The following BST1 variants were observed in gnomAD, a reference collection of about 807,000 sequenced individuals.
BST1 encodes bone marrow stromal cell antigen 1, also known as ADP-ribosyl cyclase/cyclic ADP-ribose hydrolase 2.
In BST1, 49 loss-of-function variants were observed where a neutral mutation model predicts 40.6. The observed-to-expected ratio is 1.21, with a 90% CI of 0.96 to 1.53. BST1 has a LOEUF of 1.53. Ranked by LOEUF, BST1 falls within the 40% of genes most tolerant of loss-of-function variation. The probability of loss-of-function intolerance (pLI) is 0.00; values close to 1 mark genes in which losing one functional copy is unlikely to be tolerated. For synonymous variants in BST1, 157 were observed against 159.3 expected, an observed-to-expected ratio of 0.99 and a Z score of 0.11; for missense variants, 423 against 395.9, an observed-to-expected ratio of 1.07 and a Z score of -0.58.
chr4:15,704,188 T>A lies in BST1; in HGVS notation c.188+856T>A, dbSNP rs149607305. ...GTGGTCTAGAGGTGAGGGGTGTGTG[T>A]GTTCTAGAGGTGAGGGGGTGTATGT... On this transcript the variant is annotated intron_variant, in intron 1 of 8. Transcript: ENST00000265016. Among the ~76,000 whole-genome samples, 83 of 144,566 alleles carry A rather than the reference T, an allele frequency of 5.7e-4. No individual in the cohort carries two copies. In the South Asian group the frequency reaches 8.5e-3, roughly 15 times the overall value. 94.8% of individuals were successfully genotyped at this position (144,566 alleles called of 152,430 possible). A position where few individuals can be genotyped will look rare whatever the true frequency, so the allele number is the denominator to read the frequency against.
At chr4:15,743,365 A>T in the BST1 span, 2 of 336,580 alleles carry the variant, frequency 5.9e-6, no homozygotes, top group Non-Finnish European at 1.2e-5. Flanking sequence ...TCGGTGGATG[A>T]GACTAATCTG....
At chr4:15,755,004 A>G in the BST1 span, among the ~76,000 whole-genome samples, 49 of 152,378 alleles carry the variant, frequency 3.2e-4, no homozygotes, top group South Asian at 8.7e-3. Context: ...ATTATTCTGT[A>G]TCAATACATA....
chr4:15,737,692 T>C, downstream of BST1: 1 of 868,900 alleles, frequency 1.2e-6, no homozygotes, highest in South Asian at 1.4e-5. Flanking sequence ...GAGTTCTCTT[T>C]CCTCTCCTGT....
the BST1 span, among the ~76,000 whole-genome samples, chr4:15,770,593 G>A: frequency 2.6e-5 from 4 of 152,054 alleles, no homozygotes; most frequent in South Asian, 2.1e-4. Flanking sequence ...CCAGCTACTC[G>A]GGAGGCTGAG....
At chr4:15,746,178 G>T in the BST1 span, among the ~76,000 whole-genome samples, 1 of 152,296 alleles carries the variant, frequency 6.6e-6, no homozygotes, top group East Asian at 1.9e-4. Context: ...GCAAACTGGG[G>T]CTACCACTTG....
At chr4:15,754,573 C>T in the BST1 span, among the ~76,000 whole-genome samples, 1,142 of 152,242 alleles carry the variant, frequency 7.5e-3, 7 homozygotes, top group Non-Finnish European at 0.013. Flanking sequence ...AAAGAATCAA[C>T]GTCAGATGTA....
chr4:15,755,060 G>A, the BST1 span, among the ~76,000 whole-genome samples: 3 of 152,188 alleles, frequency 2.0e-5, no homozygotes, highest in East Asian at 1.9e-4. Flanking sequence ...ATATTCCATG[G>A]GAGAGATGTT....
chr4:15,735,746 A>C (rs1721536639), downstream of BST1, among the ~76,000 whole-genome samples: 1 of 152,194 alleles, frequency 6.6e-6, no homozygotes, highest in African/African-American at 2.4e-5. Context: ...CAAGCTTGGA[A>C]AACACAGTGT....
At chr4:15,744,716 A>C in the BST1 span, among the ~76,000 whole-genome samples, 1 of 152,214 alleles carries the variant, frequency 6.6e-6, no homozygotes, top group Non-Finnish European at 1.5e-5. Flanking sequence ...GAGCTGGCCT[A>C]TACCCACTCA....
chr4:15,738,050 A>G, exon 7 of BST1: 1 of 299,802 alleles, frequency 3.3e-6, no homozygotes, highest in Non-Finnish European at 6.8e-6. Context: ...AGGTGATTAT[A>G]TATGTGTCCA....
intron 1 of BST1, among the ~76,000 whole-genome samples, chr4:15,703,683 A>G (rs1719686746): frequency 3.3e-5 from 3 of 90,796 alleles, no homozygotes; most frequent in Admixed American, 1.2e-4. Flanking sequence ...TGTGCTCTAG[A>G]GGTGGATGTG....
Position 15,707,666 on chromosome 4 carries a change from C to G in BST1, c.451+20C>G. On this transcript the variant is annotated intron_variant, in intron 3 of 8. Coordinates refer to ENST00000265016, the MANE Select transcript of BST1 (RefSeq NM_004334.3). Reference sequence around the variant, plus strand: ...ACTCTGGTAAGACTCCTGCACAAATCACAGGAGACTTAAGAACTCCTATTT... The same window carrying G: ...ACTCTGGTAAGACTCCTGCACAAATGACAGGAGACTTAAGAACTCCTATTT... 6.2e-7 allele frequency: 1 copy of G among 1,612,642 alleles called. No individual in the cohort carries two copies. The highest frequency in any genetic ancestry group is 8.5e-7 in the Non-Finnish European group (1 of 1,179,470).
At chr4:15,764,074 A>G in the BST1 span, among the ~76,000 whole-genome samples, 1 of 152,044 alleles carries the variant, frequency 6.6e-6, no homozygotes. Flanking sequence ...TGAGAAGTCA[A>G]TGTTGGCTCA....
chr4:15,715,785 TG>T lies in BST1; in HGVS notation c.695del (p.Gly232AspfsTer12), dbSNP rs1403557469. On this transcript the variant is annotated frameshift_variant, in exon 6 of 9. Transcript: ENST00000265016. LOFTEE classifies it high-confidence loss of function. ...RIEIWVMHEI[G>X]GPNVESCGEG... ...TCGAGATCTGGGTTATGCATGAAAT[TG>T]GGGGACCCAATGTGTAAGTTATGGT... 1 of 1,590,626 alleles carries T rather than the reference TG, an allele frequency of 6.3e-7. No homozygotes were observed. Among genetic ancestry groups the T allele is most frequent in the Non-Finnish European group, 8.5e-7 (1 of 1,171,654 alleles).
At chr4:15,709,486 T>C (rs1317758827) in intron 3 of BST1, among the ~76,000 whole-genome samples, 1 of 152,168 alleles carries the variant, frequency 6.6e-6, no homozygotes, top group Non-Finnish European at 1.5e-5. Flanking sequence ...ACACAGCCAT[T>C]CTTTCAATGG....
chr4:15,740,932 T>A (rs1721727691), downstream of BST1, among the ~76,000 whole-genome samples: 2 of 151,726 alleles, frequency 1.3e-5, no homozygotes, highest in African/African-American at 2.4e-5. Context: ...ACTACTCAAC[T>A]CCGTGGTTCG....
intron 8 of BST1, among the ~76,000 whole-genome samples, chr4:15,727,179 G>A (rs192681950): frequency 3.3e-5 from 5 of 152,262 alleles, no homozygotes; most frequent in Admixed American, 1.3e-4. Flanking sequence ...GAAGCAAAAC[G>A]GAGATTTGTC....
intron 7 of BST1, among the ~76,000 whole-genome samples, chr4:15,722,073 C>T (rs1227863791): frequency 1.3e-5 from 2 of 152,216 alleles, no homozygotes; most frequent in Non-Finnish European, 2.9e-5. Flanking sequence ...CTGTTGTGCA[C>T]AGCAAGTTAG....
chr4:15,750,664 T>G, the BST1 span, among the ~76,000 whole-genome samples: 2 of 152,190 alleles, frequency 1.3e-5, no homozygotes, highest in Non-Finnish European at 2.9e-5. Context: ...GAACACCATA[T>G]TTCAAAGACT....
Sources: allele counts gnomAD v4.1 joint callset (sites outside exome capture counted in the v4.1 genomes callset), GRCh38; gene constraint gnomAD v4.1.1; transcripts MANE v1.5; gene names NCBI Gene and HGNC (gene_info 2026-07-23, HGNC 2026-07-21).